Variants in MGAM observed in about 807,000 individuals in gnomAD.
MGAM encodes the protein maltase-glucoamylase.
In MGAM, 253 loss-of-function variants were observed where a neutral mutation model predicts 358.8. The observed-to-expected ratio is 0.71, with a 90% confidence interval of 0.64 to 0.78. The LOEUF is 0.78. Among genes scored for constraint, MGAM ranks in the 30% least tolerant of loss-of-function variants. MGAM has a pLI of 0.00. For synonymous variants in MGAM, 1,105 were observed against 1,227.1 expected (o/e 0.90, Z 2.08); for missense variants, 3,080 against 3,432.6 (o/e 0.90, Z 2.57).
At position 142,030,392 on chromosome 7, in the gene MGAM, G is replaced by A; in HGVS notation, c.1252G>A (p.Asp418Asn). 2 of 1,613,330 alleles carry A rather than the reference G, an allele frequency of 1.2e-6. No homozygotes were observed. The highest frequency in any genetic ancestry group is 1.7e-6 in the Non-Finnish European group (2 of 1,179,592). Reference protein sequence around the residue: ...DVQHADIDYMDERRDFTYDSV... With the variant: ...DVQHADIDYMNERRDFTYDSV... ...TCAGCATGCTGATATTGATTATATG[G>A]ATGAGAGAAGGGACTTCACTTATGA... is the stretch of plus-strand genomic sequence containing the variant. The change falls in exon 11 of 71, where the codon GAT becomes AAT. Residue 418 changes from aspartate to asparagine, a missense_variant. Around this residue, in one of 5 missense-constraint regions of MGAM, gnomAD observed 1,816 missense variants for 1,840.5 expected, o/e 0.99. Coordinates refer to ENST00000475668, the MANE Select transcript of MGAM (RefSeq NM_001365693.1).
chr7:142,014,711 A>T (rs1214688625), intron 3 of MGAM, among the ~76,000 whole-genome samples: 2 of 152,114 alleles, frequency 1.3e-5, no homozygotes, highest in Non-Finnish European at 2.9e-5. Context: ...TAATAGATAT[A>T]TACAGCCTAT....
At chr7:142,045,671 A>G (rs191717446) in intron 21 of MGAM, among the ~76,000 whole-genome samples, 2,908 of 99,994 alleles carry the variant, frequency 0.029, 114 homozygotes, top group Middle Eastern at 0.057. Context: ...ATATATGAAT[A>G]TATAATATAT....
intron 2 of MGAM, among the ~76,000 whole-genome samples, chr7:142,007,131 G>A (rs1805228203): frequency 6.6e-6 from 1 of 152,060 alleles, no homozygotes; most frequent in South Asian, 2.1e-4. Flanking sequence ...TCAAATTGAT[G>A]TCTTATCTTT....
At chr7:142,088,656 GTCTATCTATCTA>G (rs35627220) in intron 57 of MGAM, among the ~76,000 whole-genome samples, 1,438 of 125,838 alleles carry the variant, frequency 0.011, 104 homozygotes, top group East Asian at 0.081. Flanking sequence ...CTATCTGTCT[GTCTATCTATCTA>G]TCTATCTATC....
chr7:142,076,133 G>C lies in MGAM; in HGVS notation c.5276-70G>C. 4 of 1,179,372 alleles carry C rather than the reference G, an allele frequency of 3.4e-6. 1 individual carries two copies. Among genetic ancestry groups the C allele is most frequent in the Non-Finnish European group, 5.0e-6 (4 of 792,900 alleles). 73.1% of individuals were successfully genotyped at this position (1,179,372 alleles called of 1,614,324 possible). ...TGACATCAGGATGTAACTGAAAAGA[G>C]TGGGAGTGTGAAATCTGTTCTTCTG... On this transcript the variant is annotated intron_variant, in intron 45 of 70. Coordinates refer to ENST00000475668, the MANE Select transcript of MGAM (RefSeq NM_001365693.1).
At chr7:142,063,611 T>G (rs377455014) in intron 36 of MGAM, 25 bp downstream of exon 36, 45 of 1,608,742 alleles carry the variant, frequency 2.8e-5, no homozygotes, top group Non-Finnish European at 3.2e-5. Context: ...CCTCCTTGAC[T>G]GGCAGAGCCA....
Position 142,070,010 on chromosome 7 carries a change from G to A in MGAM, c.5062-984G>A, listed in dbSNP as rs1045380372. Among the ~76,000 whole-genome samples, 9 of 144,890 alleles carry A rather than the reference G, an allele frequency of 6.2e-5. 1 individual carries two copies. In the East Asian group the frequency reaches 1.4e-3, roughly 23 times the overall value. On this transcript the variant is annotated intron_variant, in intron 43 of 70. Coordinates refer to ENST00000475668, the MANE Select transcript of MGAM (RefSeq NM_001365693.1). ...AGATCGAGACCATCCTAGCTAACACGGTGAAACCCCATCTCTATGAAAAAT... is the reference window on the plus strand; with the variant it reads ...AGATCGAGACCATCCTAGCTAACACAGTGAAACCCCATCTCTATGAAAAAT...
At chr7:142,018,768 A>T (rs926965831) in intron 3 of MGAM, among the ~76,000 whole-genome samples, 1 of 152,236 alleles carries the variant, frequency 6.6e-6, no homozygotes, top group Admixed American at 6.5e-5. Flanking sequence ...GCATATATTT[A>T]AAAGTCAAAA....
At position 142,074,168 on chromosome 7, in the gene MGAM, CA is replaced by C; in HGVS notation, c.5273del (p.Lys1758ArgfsTer23). On this transcript the variant is annotated frameshift_variant, in exon 45 of 71. Coordinates refer to ENST00000475668, the MANE Select transcript of MGAM (RefSeq NM_001365693.1). LOFTEE classifies it high-confidence loss of function. ...KGELFWDDGQTKDTVAKKVYL... is the reference protein window; with the variant it reads ...KGELFWDDGQXKDTVAKKVYL... ...GAACTTTTCTGGGATGATGGGCAAA[CA>C]AAGGGTGAGCGCTGTTACAATAATG... The C allele has an allele frequency of 6.5e-7, 1 of 1,528,690 alleles. No individual in the cohort carries two copies. Among genetic ancestry groups the C allele is most frequent in the Non-Finnish European group, 9.0e-7 (1 of 1,114,914 alleles). The allele number at this position is 1,528,690 out of a possible 1,614,324, so 94.7% of individuals were successfully genotyped here. A position where few individuals can be genotyped will look rare whatever the true frequency, so the allele number is the denominator to read the frequency against.
chr7:142,081,382 C>T (rs1371796261), intron 50 of MGAM, among the ~76,000 whole-genome samples: 5 of 140,384 alleles, frequency 3.6e-5, no homozygotes, highest in African/African-American at 7.5e-5. Flanking sequence ...GAGTAGATCT[C>T]GCCAAGAAGG....
intron 1 of MGAM, among the ~76,000 whole-genome samples, chr7:142,003,946 A>T (rs1035106586): frequency 3.3e-5 from 5 of 152,070 alleles, no homozygotes; most frequent in African/African-American, 1.2e-4. Flanking sequence ...AAAATGCTCA[A>T]CATCACTAAT....
intron 44 of MGAM, among the ~76,000 whole-genome samples, chr7:142,072,398 A>G (rs1219685973): frequency 6.8e-6 from 1 of 146,292 alleles, no homozygotes; most frequent in African/African-American, 2.4e-5. Flanking sequence ...TTCAGCAGCA[A>G]GAAGTCTTTC....
chr7:141,999,301 G>A (rs570281342), intron 1 of MGAM, among the ~76,000 whole-genome samples: 13 of 152,148 alleles, frequency 8.5e-5, no homozygotes, highest in African/African-American at 1.2e-4. Context: ...AATTTAAAAC[G>A]TGCTATGGGC....
At chr7:142,038,339 AGGAGACATGAGCT>A (rs1808181064) in intron 18 of MGAM, among the ~76,000 whole-genome samples, 179 bp from the exon 19 acceptor site, 1 of 152,168 alleles carries the variant, frequency 6.6e-6, no homozygotes, top group Non-Finnish European at 1.5e-5. Flanking sequence ...AGGGAAGAAT[AGGAGACATGAGCT>A]GGGGAAGGGG....
In MGAM at chr7:142,056,908, C is replaced by G. The variant is rs200326465; in HGVS notation, c.3659C>G (p.Pro1220Arg). The G allele has an allele frequency of 4.4e-4, 711 of 1,613,764 alleles. 8 individuals carry two copies. The highest frequency in any genetic ancestry group is 3.5e-3 in the Middle Eastern group (21 of 6,060). Reference protein sequence around the residue: ...GVLDFYVFLGPTPELVTQQYT... With the variant: ...GVLDFYVFLGRTPELVTQQYT... Reference sequence around the variant, plus strand: ...CTGGACTTTTATGTGTTCTTGGGGCCGACTCCAGAGCTTGTCACCCAGCAG... The same window carrying G: ...CTGGACTTTTATGTGTTCTTGGGGCGGACTCCAGAGCTTGTCACCCAGCAG... The change falls in exon 30 of 71, where the codon CCG becomes CGG. Residue 1220 changes from proline (P) to arginine (R), a missense_variant. Transcript: ENST00000475668.
chr7:142,087,410 T>C (rs770024616), intron 57 of MGAM, among the ~76,000 whole-genome samples: 3 of 146,124 alleles, frequency 2.1e-5, no homozygotes, highest in Non-Finnish European at 4.6e-5. Context: ...CTTACAGGTC[T>C]AGGAAGGCTA....
chr7:141,989,102 G>GTA (rs1554446791), intron 2 of MGAM, among the ~76,000 whole-genome samples: 1 of 150,298 alleles, frequency 6.7e-6, no homozygotes, highest in East Asian at 2.0e-4. Context: ...GTGTGTGTGT[G>GTA]TGTGTGTATG....
rs199728879 is a variant in MGAM at position 142,040,852 on chromosome 7, G to A, written c.2498+6G>A. On this transcript the variant is annotated splice_donor_region_variant and intron_variant, in intron 21 of 70. Transcript: ENST00000475668. ...AATACAACCACTCTGGCCAGGTATA[G>A]CATGGCTGGAGTGTCCTTTCAGAAT... is the stretch of plus-strand genomic sequence containing the variant. 297 of 1,604,044 alleles carry A rather than the reference G, an allele frequency of 1.9e-4. No individual in the cohort carries two copies. The highest frequency in any genetic ancestry group is 3.3e-4 in the Middle Eastern group (2 of 6,040).
chr7:142,040,482 CTA>C, intron 20 of MGAM: 1 of 593,506 alleles, frequency 1.7e-6, no homozygotes, highest in South Asian at 2.3e-5. Context: ...CTGTTTAAAA[CTA>C]TCAGTTTATA....
Sources: gnomAD v4.1 joint callset for allele counts (sites outside exome capture counted in the v4.1 genomes callset) on GRCh38, gnomAD v4.1.1 for gene constraint, gnomAD v4.1.1 regional missense constraint, MANE v1.5 for transcripts, NCBI Gene and HGNC (gene_info 2026-07-23, HGNC 2026-07-21) for gene names.